The following CDH8 variants were observed in gnomAD, a reference collection of about 807,000 sequenced individuals.
CDH8 encodes cadherin-8.
In CDH8, 17 loss-of-function variants were observed where a neutral mutation model predicts 68.1. The observed-to-expected ratio is 0.25, with a 90% confidence interval of 0.17 to 0.37. The LOEUF is 0.37. Ranked by LOEUF, CDH8 falls within the 10% of genes least tolerant of loss-of-function variation. CDH8 has a pLI of 1.00. For synonymous variants in CDH8, 372 were observed against 365.1 expected (o/e 1.02, Z -0.21); for missense variants, 763 against 999.3 (o/e 0.76, Z 3.19).
At chr16:61,853,125 A>G (rs1449377518) in intron 4 of CDH8, among the ~76,000 whole-genome samples, 1 of 152,088 alleles carries the variant, frequency 6.6e-6, no homozygotes, top group Admixed American at 6.6e-5. Context: ...TTAAAGCTCA[A>G]AGAAGAAAAT....
intron 7 of CDH8, among the ~76,000 whole-genome samples, chr16:61,796,467 G>A (rs1386033053): frequency 6.6e-6 from 1 of 151,950 alleles, no homozygotes; most frequent in Non-Finnish European, 1.5e-5. Flanking sequence ...AATGGGAAGT[G>A]GCATGTGAGA....
chr16:61,975,673 A>C (rs1001779720), intron 2 of CDH8, among the ~76,000 whole-genome samples: 1 of 152,210 alleles, frequency 6.6e-6, no homozygotes, highest in Non-Finnish European at 1.5e-5. Flanking sequence ...AAATAACTGA[A>C]TTCACACATA....
At chr16:61,886,332 T>C (rs1288085062) in intron 3 of CDH8, among the ~76,000 whole-genome samples, 1 of 152,140 alleles carries the variant, frequency 6.6e-6, no homozygotes, top group Non-Finnish European at 1.5e-5. Flanking sequence ...TGGATATAAA[T>C]ATTTGTTATC....
At chr16:61,893,853 T>C (rs1963823167) in intron 3 of CDH8, among the ~76,000 whole-genome samples, 3 of 152,112 alleles carry the variant, frequency 2.0e-5, no homozygotes, top group Admixed American at 1.3e-4. Context: ...AGCAAATTAA[T>C]GTGAAGAGAA....
chr16:61,675,908 A>G (rs1033594771), intron 10 of CDH8, among the ~76,000 whole-genome samples: 1 of 151,408 alleles, frequency 6.6e-6, no homozygotes. Flanking sequence ...TAAAAGAGCT[A>G]TTACTAATAA....
At chr16:61,715,236 G>A (rs534212473) in intron 9 of CDH8, among the ~76,000 whole-genome samples, 4 of 151,466 alleles carry the variant, frequency 2.6e-5, no homozygotes, top group African/African-American at 9.7e-5. Context: ...ATTATTCTTA[G>A]CTTGAGTGAC....
intron 7 of CDH8, among the ~76,000 whole-genome samples, chr16:61,811,762 G>T (rs1039774466): frequency 1.3e-5 from 2 of 152,086 alleles, no homozygotes; most frequent in Admixed American, 1.3e-4. Flanking sequence ...ATGAATGAAT[G>T]TTAAGGACAT....
chr16:61,971,476 G>A (rs1163534334), intron 2 of CDH8, among the ~76,000 whole-genome samples: 1 of 152,208 alleles, frequency 6.6e-6, no homozygotes, highest in Non-Finnish European at 1.5e-5. Flanking sequence ...AGATGGAAGA[G>A]AAGCACAGAG....
chr16:61,729,786 C>T (rs1340275948), intron 8 of CDH8, among the ~76,000 whole-genome samples: 1 of 151,228 alleles, frequency 6.6e-6, no homozygotes, highest in African/African-American at 2.4e-5. Context: ...ACAGATTAGA[C>T]AGTGAATAAT....
intron 3 of CDH8, among the ~76,000 whole-genome samples, chr16:61,891,304 G>A (rs1398255715): frequency 2.0e-5 from 3 of 152,036 alleles, no homozygotes; most frequent in African/African-American, 7.2e-5. Flanking sequence ...ATCCGATGAA[G>A]GAGCTCTCCC....
At chr16:61,941,013 A>G (rs572508471) in intron 2 of CDH8, among the ~76,000 whole-genome samples, 100 of 152,362 alleles carry the variant, frequency 6.6e-4, no homozygotes, top group African/African-American at 2.3e-3. Flanking sequence ...GAGCATATTA[A>G]TCTTGTAGCA....
chr16:61,740,843 A>G (rs1429311874), intron 8 of CDH8, among the ~76,000 whole-genome samples: 14 of 152,136 alleles, frequency 9.2e-5, no homozygotes, highest in Non-Finnish European at 1.5e-5. Context: ...TTTCACTATT[A>G]TAAATATTTT....
chr16:61,851,086 A>G (rs1025394461), intron 4 of CDH8, among the ~76,000 whole-genome samples: 4 of 152,092 alleles, frequency 2.6e-5, no homozygotes, highest in Non-Finnish European at 5.9e-5. Context: ...TTGGCACTGG[A>G]AATTATAATC....
At chr16:61,932,682 C>T (rs750752552) in intron 2 of CDH8, among the ~76,000 whole-genome samples, 2 of 152,124 alleles carry the variant, frequency 1.3e-5, no homozygotes, top group South Asian at 2.1e-4. Context: ...AGAGTGAATA[C>T]GTCAGAGTTG....
intron 8 of CDH8, among the ~76,000 whole-genome samples, chr16:61,736,112 A>AAAGAAAGAAAGAAAGGAAGGAAGG (rs776989465): frequency 6.9e-5 from 8 of 116,530 alleles, no homozygotes; most frequent in African/African-American, 2.9e-4. Context: ...AGAAAGAAAG[A>AAAGAAAGAAAGAAAGGAAGGAAGG]AAGGAAGGAA....
intron 2 of CDH8, among the ~76,000 whole-genome samples, chr16:62,013,024 G>A (rs1434952419): frequency 3.5e-5 from 1 of 28,342 alleles, no homozygotes; most frequent in Admixed American, 3.9e-4. Context: ...GGAGGCCGAG[G>A]CGGGTGGATC....
At chr16:61,807,563 C>G (rs151112882) in intron 7 of CDH8, among the ~76,000 whole-genome samples, 1 of 152,222 alleles carries the variant, frequency 6.6e-6, no homozygotes, top group East Asian at 1.9e-4. Flanking sequence ...TTTCAGTGTG[C>G]GTATCCATTA....
chr16:61,723,749 T>C (rs528853194), intron 9 of CDH8, among the ~76,000 whole-genome samples: 4 of 150,582 alleles, frequency 2.7e-5, no homozygotes, highest in Non-Finnish European at 6.0e-5. Flanking sequence ...CTGTCAGACA[T>C]ATATTTGGCT....
At chr16:62,012,167 T>C (rs1289900747) in intron 2 of CDH8, among the ~76,000 whole-genome samples, 1 of 152,250 alleles carries the variant, frequency 6.6e-6, no homozygotes, top group Non-Finnish European at 1.5e-5. Context: ...ACTTTTATGT[T>C]TCTTAAATAA....
Sources: allele counts gnomAD v4.1 joint callset (sites outside exome capture counted in the v4.1 genomes callset), GRCh38; gene constraint gnomAD v4.1.1; transcripts MANE v1.5; gene names NCBI Gene and HGNC (gene_info 2026-07-23, HGNC 2026-07-21).